APOBEC1: variants seen among roughly 807,000 people sequenced by gnomAD.
The protein encoded by APOBEC1 is C->U-editing enzyme APOBEC-1.
Under a neutral mutation model 26.3 loss-of-function variants are expected in APOBEC1, and 22 were observed. That is an observed-to-expected ratio of 0.84 (90% confidence interval 0.60 to 1.19). APOBEC1 has a LOEUF of 1.19. Ranked by LOEUF, APOBEC1 falls within the 50% of genes most tolerant of loss-of-function variation. The pLI is 0.00. For missense variants in APOBEC1, 253 were observed against 289.0 expected (o/e 0.88, Z 0.90); for synonymous variants, 77 against 95.3 (o/e 0.81, Z 1.12).
intron 1 of APOBEC1, among the ~76,000 whole-genome samples, chr12:7,662,786 C>G (rs1447938889): frequency 6.6e-6 from 1 of 152,084 alleles, no homozygotes; most frequent in East Asian, 1.9e-4. Context: ...ACACCAGGTG[C>G]AAACGACCTG....
rs763367214 is a variant in APOBEC1 at position 7,652,589 on chromosome 12, G to C, written c.291C>G (p.Ser97=). ...GACTCAGAAACTCTCTAATAGCCTG[G>C]GAGCATTCCCAGCAGGGACTCCAGG... The part of the protein sequence containing the change: ...FLSWSPCWEC[S]QAIREFLSRH... Residue 97 remains serine, a synonymous_variant, in exon 3 of 5, where the codon TCC becomes TCG. Coordinates refer to ENST00000229304, the MANE Select transcript of APOBEC1 (RefSeq NM_001644.5). 15 of 1,614,180 alleles carry C rather than the reference G, an allele frequency of 9.3e-6. No homozygotes were observed. In the Admixed American group the frequency reaches 2.3e-4, roughly 25 times the overall value.
Position 7,652,255 on chromosome 12 carries a change from G to A in APOBEC1, c.442+183C>T, listed in dbSNP as rs141397028. ...TTATAGGCATGAGCCACCATGCGTA[G>A]CCAGGAGTTGTATTTTTGTAACTTT... is the stretch of plus-strand genomic sequence containing the variant. On this transcript the variant is annotated intron_variant, in intron 3 of 4. Coordinates refer to ENST00000229304, the MANE Select transcript of APOBEC1 (RefSeq NM_001644.5). Among the ~76,000 whole-genome samples the A allele has an allele frequency of 5.7e-3, 872 of 152,284 alleles. 5 individuals are homozygous for A. The highest frequency in any genetic ancestry group is 9.2e-3 in the Admixed American group (141 of 15,288).
chr12:7,670,065 C>G (rs573718029), upstream of APOBEC1, among the ~76,000 whole-genome samples: 13,501 of 127,152 alleles, frequency 0.11, 1,087 homozygotes, highest in African/African-American at 0.13. Flanking sequence ...CTCACTGCAA[C>G]CTCCTCCTCC....
intron 1 of APOBEC1, among the ~76,000 whole-genome samples, chr12:7,656,760 C>T (rs1053937799): frequency 6.6e-6 from 1 of 152,188 alleles, no homozygotes; most frequent in Non-Finnish European, 1.5e-5. Flanking sequence ...GAATGGAAAA[C>T]ATTTGCAAGG....
In APOBEC1 at chr12:7,649,532, A is replaced by G. The variant is rs1270132262; in HGVS notation, c.*15T>C. 1.2e-6 allele frequency: 2 copies of G among 1,613,148 alleles called. No individual in the cohort carries two copies. Among genetic ancestry groups the G allele is most frequent in the Non-Finnish European group, 1.7e-6 (2 of 1,179,534 alleles). On this transcript the variant is annotated 3_prime_UTR_variant, in exon 5 of 5. Transcript: ENST00000229304. ...TGCTTGTTCTTGAATCAGTACACAC[A>G]CGGAATCATCCTATTCATCTCCAAG...
At chr12:7,658,651 A>C (rs1160292013) in intron 1 of APOBEC1, among the ~76,000 whole-genome samples, 1 of 152,178 alleles carries the variant, frequency 6.6e-6, no homozygotes, top group Non-Finnish European at 1.5e-5. Flanking sequence ...AATATTTTTA[A>C]ATAATAATCA....
chr12:7,657,479 A>G (rs1863732689), intron 1 of APOBEC1, among the ~76,000 whole-genome samples: 1 of 152,188 alleles, frequency 6.6e-6, no homozygotes, highest in Admixed American at 6.6e-5. Context: ...TCCCATGAAA[A>G]GAAAGTGAGC....
At chr12:7,650,430 A>G (rs1863622277) in intron 4 of APOBEC1, among the ~76,000 whole-genome samples, 1 of 152,108 alleles carries the variant, frequency 6.6e-6, no homozygotes, top group African/African-American at 2.4e-5. Flanking sequence ...CTTAAAAGAT[A>G]ATGATAATAA....
intron 1 of APOBEC1, among the ~76,000 whole-genome samples, chr12:7,660,363 G>GGAAGGAAT (rs1863792483): frequency 1.4e-4 from 1 of 6,906 alleles, no homozygotes; most frequent in Non-Finnish European, 1.9e-3. Flanking sequence ...AAGGAAGGAA[G>GGAAGGAAT]GAAGGAAGGA....
chr12:7,667,806 G>A (rs889410730), upstream of APOBEC1, among the ~76,000 whole-genome samples: 18 of 151,632 alleles, frequency 1.2e-4, no homozygotes, highest in East Asian at 9.7e-4. Flanking sequence ...CCAGCTTCTC[G>A]GAAGGCTGAG....
upstream of APOBEC1, among the ~76,000 whole-genome samples, chr12:7,667,233 T>C (rs1863904661): frequency 2.0e-5 from 3 of 152,070 alleles, no homozygotes; most frequent in African/African-American, 7.2e-5. Flanking sequence ...TTTATCCCCC[T>C]TGAAAAAGTA....
Position 7,653,493 on chromosome 12 carries a change from T to C in APOBEC1, c.45-658A>G, listed in dbSNP as rs749007102. Among the ~76,000 whole-genome samples, 295 of 33,550 alleles carry C rather than the reference T, an allele frequency of 8.8e-3. 3 individuals carry two copies. Among genetic ancestry groups the C allele is most frequent in the South Asian group, 0.049 (91 of 1,860 alleles). 22.0% of individuals were successfully genotyped at this position (33,550 alleles called of 152,430 possible). On this transcript the variant is annotated intron_variant, in intron 2 of 4. Transcript: ENST00000229304. ...TTCCTTCATTATATTCTAACCCTTT[T>C]TTTTTTTTTTTTTTTTTAAGACATG...
chr12:7,663,696 T>C (rs1863852450), intron 1 of APOBEC1, among the ~76,000 whole-genome samples: 1 of 152,086 alleles, frequency 6.6e-6, no homozygotes, highest in Non-Finnish European at 1.5e-5. Context: ...CACTGATCAA[T>C]ATTATTCCTG....
chr12:7,665,104 A>G (rs1863875203), intron 1 of APOBEC1, among the ~76,000 whole-genome samples: 1 of 152,062 alleles, frequency 6.6e-6, no homozygotes, highest in Non-Finnish European at 1.5e-5. Flanking sequence ...ATCCAGCTCA[A>G]ATCCTAGCTC....
rs144001960 is a variant in APOBEC1 at position 7,658,698 on chromosome 12, G to A, written c.17-4066C>T. Among the ~76,000 whole-genome samples, 331 of 152,192 alleles carry A rather than the reference G, an allele frequency of 2.2e-3. 2 individuals are homozygous for A. The highest frequency in any genetic ancestry group is 7.5e-3 in the African/African-American group (312 of 41,548). ...TTGATTGAAAATTTAGGCCAGGCGCGGTGGCTGACTTTGGGAGGCTGAGGC... is the reference window on the plus strand; with the variant it reads ...TTGATTGAAAATTTAGGCCAGGCGCAGTGGCTGACTTTGGGAGGCTGAGGC... On this transcript the variant is annotated intron_variant, in intron 1 of 4. Coordinates refer to ENST00000229304, the MANE Select transcript of APOBEC1 (RefSeq NM_001644.5).
chr12:7,654,668 C>A (rs371540354), intron 1 of APOBEC1, 36 bp from the exon 2 acceptor site: 1 of 1,605,782 alleles, frequency 6.2e-7, no homozygotes, highest in Non-Finnish European at 8.5e-7. Flanking sequence ...AAACAACACT[C>A]AAATATCAAA....
intron 1 of APOBEC1, among the ~76,000 whole-genome samples, chr12:7,661,985 C>G (rs1204355805): frequency 6.6e-6 from 1 of 152,222 alleles, no homozygotes; most frequent in Non-Finnish European, 1.5e-5. Flanking sequence ...TAGCTCATGC[C>G]TATAATCCCA....
upstream of APOBEC1, among the ~76,000 whole-genome samples, chr12:7,666,746 C>T (rs533837221): frequency 5.9e-5 from 9 of 152,280 alleles, no homozygotes; most frequent in South Asian, 1.2e-3. Context: ...CCAACTTCCT[C>T]TCATTTTGCT....
At chr12:7,654,755 A>C in intron 1 of APOBEC1, 123 bp from the exon 2 acceptor site, 28 of 970,008 alleles carry the variant, frequency 2.9e-5, no homozygotes, top group Non-Finnish European at 4.2e-5. Flanking sequence ...AGATTCTCTC[A>C]TGGATTAATT....
Sources: allele counts gnomAD v4.1 joint callset (sites outside exome capture counted in the v4.1 genomes callset), GRCh38; gene constraint gnomAD v4.1.1; transcripts MANE v1.5; gene names NCBI Gene and HGNC (gene_info 2026-07-23, HGNC 2026-07-21).